The following ANTXR2 variants were observed in gnomAD, a reference collection of about 807,000 sequenced individuals.
ANTXR2 encodes the protein ANTXR cell adhesion molecule 2.
A neutral mutation model predicts 73.7 loss-of-function variants in ANTXR2; 44 were observed. That is an observed-to-expected ratio of 0.60 (90% CI 0.47 to 0.77). The LOEUF (loss-of-function observed/expected upper bound fraction) is 0.77, where lower values mean the gene tolerates loss of function less well. Ranked by LOEUF, ANTXR2 falls within the 30% of genes least tolerant of loss-of-function variation. The probability of loss-of-function intolerance (pLI) is 0.00; values close to 1 mark genes in which losing one functional copy is unlikely to be tolerated. For missense variants in ANTXR2, 604 were observed against 592.5 expected, an observed-to-expected ratio of 1.02 and a Z score of -0.20; for synonymous variants, 217 against 205.9, an observed-to-expected ratio of 1.05 and a Z score of -0.46.
In ANTXR2 at chr4:80,051,418, C is replaced by T. The variant is rs1733769626; in HGVS notation, c.636+2854G>A. Among the ~76,000 whole-genome samples the T allele has an allele frequency of 3.3e-5, 5 of 151,476 alleles. No homozygotes were observed. The South Asian group carries it at 8.3e-4, about 25-fold the overall frequency. Reference sequence around the variant, plus strand: ...CACAATGCCTTAAGAATAGTAAGGGCTCAGTAAATGAACTAATGAAAGAAT... The same window carrying T: ...CACAATGCCTTAAGAATAGTAAGGGTTCAGTAAATGAACTAATGAAAGAAT... On this transcript the variant is annotated intron_variant, in intron 7 of 16. Coordinates refer to ENST00000403729, the MANE Select transcript of ANTXR2 (RefSeq NM_058172.6).
intron 16 of ANTXR2, among the ~76,000 whole-genome samples, chr4:79,910,507 CAAAAAAAA>C (rs144527286): frequency 1.0e-5 from 1 of 95,652 alleles, no homozygotes; most frequent in South Asian, 3.6e-4. Flanking sequence ...GACTCCGTCT[CAAAAAAAA>C]AAAAAAAGAA....
chr4:79,919,624 ACT>A (rs1560855405), intron 16 of ANTXR2, among the ~76,000 whole-genome samples: 1 of 151,440 alleles, frequency 6.6e-6, no homozygotes, highest in Non-Finnish European at 1.5e-5. Flanking sequence ...CGAACATCAG[ACT>A]CTGAGTTCTT....
intron 12 of ANTXR2, among the ~76,000 whole-genome samples, chr4:80,007,140 T>C (rs990223624): frequency 6.6e-6 from 1 of 152,156 alleles, no homozygotes; most frequent in African/African-American, 2.4e-5. Context: ...TAAAGGATTG[T>C]CAAGTTGCCT....
chr4:79,984,833 G>A lies in ANTXR2; in HGVS notation c.1072C>T (p.Pro358Ser), dbSNP rs780860990. Residue 358 changes from proline (P) to serine (S), a missense_variant, in exon 13 of 17, where the codon CCT (proline) becomes TCT (serine). Coordinates refer to ENST00000403729, the MANE Select transcript of ANTXR2 (RefSeq NM_058172.6). Reference protein sequence around the residue: ...VIKDPPPPPAPAPKEEEEEPL... With the variant: ...VIKDPPPPPASAPKEEEEEPL... Reference sequence around the variant, plus strand: ...CACTCACTTACCTCTTTTGGTGCAGGGGCGGGTGGTGGTGGAGGATCCTTA... The same window carrying A: ...CACTCACTTACCTCTTTTGGTGCAGAGGCGGGTGGTGGTGGAGGATCCTTA... 8 of 1,606,348 alleles carry A rather than the reference G, an allele frequency of 5.0e-6. No individual in the cohort carries two copies. Among genetic ancestry groups the A allele is most frequent in the East Asian group, 4.5e-5 (2 of 44,806 alleles).
intron 8 of ANTXR2, among the ~76,000 whole-genome samples, chr4:80,035,671 G>T (rs937670128): frequency 8.5e-5 from 13 of 152,072 alleles, no homozygotes; most frequent in Non-Finnish European, 1.9e-4. Flanking sequence ...TCAGACAAAA[G>T]AAACAATTTC....
chr4:80,047,307 ATAATT>A (rs150233099), intron 7 of ANTXR2, among the ~76,000 whole-genome samples: 2,260 of 151,964 alleles, frequency 0.015, 57 homozygotes, highest in African/African-American at 0.051. Flanking sequence ...AATAAAATGA[ATAATT>A]TAAAGGAAAC....
chr4:80,037,898 G>C (rs181657854), intron 7 of ANTXR2, among the ~76,000 whole-genome samples: 3 of 152,144 alleles, frequency 2.0e-5, no homozygotes, highest in African/African-American at 7.2e-5. Flanking sequence ...AAGGTTAAAG[G>C]AAAACACAAA....
rs918706063 is a variant in ANTXR2, at chr4:79,902,085, A to G, written c.*5344T>C. On this transcript the variant is annotated 3_prime_UTR_variant, in exon 17 of 17. Transcript: ENST00000403729. ...TGCCAATTATTTCTAGTCAAACTGAAACCTACTTAAATGTACATTTTAATA... is the reference window on the plus strand; with the variant it reads ...TGCCAATTATTTCTAGTCAAACTGAGACCTACTTAAATGTACATTTTAATA... The G allele has an allele frequency of 3.3e-5, 5 of 152,134 alleles. No individual in the cohort carries two copies. Among genetic ancestry groups the G allele is most frequent in the Non-Finnish European group, 5.9e-5 (4 of 68,014 alleles). 9.4% of individuals were successfully genotyped at this position (152,134 alleles called of 1,614,324 possible). A position where few individuals can be genotyped will look rare whatever the true frequency, so the allele number is the denominator to read the frequency against.
intron 16 of ANTXR2, among the ~76,000 whole-genome samples, chr4:79,973,516 C>T (rs1190556006): frequency 6.6e-6 from 1 of 152,050 alleles, no homozygotes; most frequent in African/African-American, 2.4e-5. Flanking sequence ...CAACCTTCAC[C>T]TCCTGGGTTC....
intron 10 of ANTXR2, among the ~76,000 whole-genome samples, chr4:80,020,834 A>G (rs1212321451): frequency 6.6e-6 from 1 of 152,222 alleles, no homozygotes; most frequent in Non-Finnish European, 1.5e-5. Flanking sequence ...ATTTCTGTGT[A>G]AAGTATTTAC....
At chr4:80,048,828 C>T (rs1733638805) in intron 7 of ANTXR2, among the ~76,000 whole-genome samples, 1 of 151,618 alleles carries the variant, frequency 6.6e-6, no homozygotes, top group Non-Finnish European at 1.5e-5. Flanking sequence ...AAAAATTCCA[C>T]TCCAAAAGTG....
intron 16 of ANTXR2, among the ~76,000 whole-genome samples, chr4:79,953,269 A>G (rs1728772420): frequency 6.6e-6 from 1 of 151,458 alleles, no homozygotes; most frequent in Non-Finnish European, 1.5e-5. Context: ...GAATTTTTGT[A>G]AGATGATTTT....
In ANTXR2 at chr4:79,906,319, T is replaced by TA; in HGVS notation, c.*1109dup. ...CCCCTCAAAATCCAAGTAATGCGCA[T>TA]ACAGTAATAGGTCATTCAATGTCAA... On this transcript the variant is annotated 3_prime_UTR_variant, in exon 17 of 17. Coordinates refer to ENST00000403729, the MANE Select transcript of ANTXR2 (RefSeq NM_058172.6). The TA allele has an allele frequency of 6.6e-6, 1 of 152,424 alleles. No homozygotes were observed. The highest frequency in any genetic ancestry group is 2.4e-5 in the African/African-American group (1 of 41,422). 9.4% of individuals were successfully genotyped at this position (152,424 alleles called of 1,614,324 possible). A position where few individuals can be genotyped will look rare whatever the true frequency, so the allele number is the denominator to read the frequency against.
chr4:79,987,262 T>C (rs934347949), intron 12 of ANTXR2, among the ~76,000 whole-genome samples: 5 of 143,122 alleles, frequency 3.5e-5, no homozygotes, highest in Admixed American at 2.1e-4. Context: ...GAAAATGACA[T>C]TGCCATTTTA....
chr4:80,011,040 G>A (rs1219520022), intron 11 of ANTXR2, among the ~76,000 whole-genome samples: 4 of 151,946 alleles, frequency 2.6e-5, no homozygotes, highest in Admixed American at 6.6e-5. Flanking sequence ...CCAGCTACTC[G>A]GGAGGCTGAG....
At chr4:79,965,931 ATCTT>A (rs1208909369) in intron 16 of ANTXR2, among the ~76,000 whole-genome samples, 2 of 152,178 alleles carry the variant, frequency 1.3e-5, no homozygotes, top group Non-Finnish European at 2.9e-5. Context: ...AAAATATAAA[ATCTT>A]TCATGAATTG....
intron 16 of ANTXR2, among the ~76,000 whole-genome samples, chr4:79,973,624 T>A (rs1195221568): frequency 1.3e-5 from 2 of 152,094 alleles, no homozygotes; most frequent in African/African-American, 4.8e-5. Context: ...AGACAGGGTT[T>A]CACCATGTTG....
chr4:79,997,862 T>C (rs931291256), intron 12 of ANTXR2, among the ~76,000 whole-genome samples: 6 of 151,998 alleles, frequency 3.9e-5, no homozygotes, highest in African/African-American at 1.4e-4. Flanking sequence ...TAAAAGATGC[T>C]CTGTCGGAAA....
chr4:80,055,927 C>G lies in ANTXR2; in HGVS notation c.378+5G>C. ...TCCCATATTTACAAATGTAAAATAA[C>G]TTACTAGCTTTAGTCCTTCATGGAT... On this transcript the variant is annotated splice_donor_5th_base_variant and intron_variant, in intron 4 of 16. Transcript: ENST00000403729. 6.6e-7 allele frequency: 1 copy of G among 1,518,576 alleles called. No homozygotes were observed. Among genetic ancestry groups the G allele is most frequent in the Non-Finnish European group, 8.9e-7 (1 of 1,128,306 alleles). The allele number at this position is 1,518,576 out of a possible 1,614,324, so 94.1% of individuals were successfully genotyped here.
Sources: allele counts gnomAD v4.1 joint callset (sites outside exome capture counted in the v4.1 genomes callset), GRCh38; gene constraint gnomAD v4.1.1; transcripts MANE v1.5; gene names NCBI Gene and HGNC (gene_info 2026-07-23, HGNC 2026-07-21).